SAXO1: variants seen among roughly 807,000 people sequenced by gnomAD.
The protein encoded by SAXO1 is stabilizer of axonemal microtubules 1, also known as 4930500O09Rik.
In SAXO1, 21 loss-of-function variants were observed where a neutral mutation model predicts 17.5. The observed-to-expected ratio is 1.20, with a 90% CI of 0.85 to 1.72. SAXO1 has a LOEUF of 1.72. Among genes scored for constraint, SAXO1 ranks in the 40% most tolerant of loss-of-function variants. The pLI, the probability that SAXO1 is intolerant of heterozygous loss-of-function variation, is 0.00. For synonymous variants in SAXO1, 274 were observed against 216.5 expected, an observed-to-expected ratio of 1.27 and a Z score of -2.33; for missense variants, 843 against 596.0, an observed-to-expected ratio of 1.41 and a Z score of -4.32.
In SAXO1 at chr9:18,967,175, T is replaced by C. The variant is rs1178233902; in HGVS notation, c.39-16238A>G. Among the ~76,000 whole-genome samples, 7 of 152,184 alleles carry C rather than the reference T, an allele frequency of 4.6e-5. 1 individual carries two copies. The highest frequency in any genetic ancestry group is 4.6e-4 in the Admixed American group (7 of 15,278). On this transcript the variant is annotated intron_variant, in intron 1 of 3. Transcript: ENST00000380534. ...AGCTGGAGCTCTCCTGTATGAGGTG[T>C]CTGTCTACCCCTGCTGGGAGGTGTC... is the stretch of plus-strand genomic sequence containing the variant.
At chr9:18,929,990 T>C (rs1459347165) in intron 3 of SAXO1, among the ~76,000 whole-genome samples, 1 of 152,216 alleles carries the variant, frequency 6.6e-6, no homozygotes, top group Non-Finnish European at 1.5e-5. Flanking sequence ...CTCTCCATTC[T>C]ACAGATTTCT....
At chr9:18,996,986 C>A (rs993149159) in intron 1 of SAXO1, among the ~76,000 whole-genome samples, 1 of 152,028 alleles carries the variant, frequency 6.6e-6, no homozygotes, top group Non-Finnish European at 1.5e-5. Flanking sequence ...TCCAAGATGG[C>A]CGAATAGGAA....
At chr9:18,951,100 T>C (rs142183118) in intron 1 of SAXO1, among the ~76,000 whole-genome samples, 163 bp from the exon 2 acceptor site, 1 of 152,334 alleles carries the variant, frequency 6.6e-6, no homozygotes, top group East Asian at 1.9e-4. Flanking sequence ...CTACGTGAAG[T>C]GGCCAGAATA....
intron 1 of SAXO1, among the ~76,000 whole-genome samples, chr9:18,959,883 G>C (rs548806859): frequency 6.6e-6 from 1 of 152,178 alleles, no homozygotes; most frequent in Non-Finnish European, 1.5e-5. Context: ...GCCAAGGAGA[G>C]GCCCTGCTGG....
chr9:18,947,239 TA>T (rs1563935899), intron 2 of SAXO1, among the ~76,000 whole-genome samples: 1 of 152,136 alleles, frequency 6.6e-6, no homozygotes, highest in Non-Finnish European at 1.5e-5. Context: ...AAAATATATA[TA>T]TAAAATTCAA....
intron 1 of SAXO1, among the ~76,000 whole-genome samples, chr9:18,961,369 G>A (rs374530229): frequency 6.6e-6 from 1 of 151,968 alleles, no homozygotes; most frequent in East Asian, 1.9e-4. Flanking sequence ...TTTAAGTTCT[G>A]GGATACATGT....
At chr9:19,045,295 C>T (rs1173084058) in intron 1 of SAXO1, among the ~76,000 whole-genome samples, 1 of 114,484 alleles carries the variant, frequency 8.7e-6, no homozygotes, top group Non-Finnish European at 1.6e-5. Flanking sequence ...CCGGCCTGGG[C>T]GACAGAGCGA....
chr9:18,991,124 G>A (rs1441761550), intron 1 of SAXO1, among the ~76,000 whole-genome samples: 1 of 152,154 alleles, frequency 6.6e-6, no homozygotes, highest in East Asian at 1.9e-4. Context: ...CATGCAAGGT[G>A]GTGCATGCCT....
intron 1 of SAXO1, among the ~76,000 whole-genome samples, chr9:19,019,122 A>G (rs1206572110): frequency 1.3e-5 from 2 of 152,100 alleles, no homozygotes; most frequent in Non-Finnish European, 2.9e-5. Flanking sequence ...AAAAAAAGAA[A>G]AAAAAAAGAA....
intron 1 of SAXO1, among the ~76,000 whole-genome samples, chr9:18,979,319 G>A (rs1218519019): frequency 1.3e-5 from 2 of 152,152 alleles, no homozygotes; most frequent in Admixed American, 6.5e-5. Context: ...CTGAGAAGAA[G>A]GAAATAAAGA....
chr9:18,997,591 A>T (rs1252027597), intron 1 of SAXO1, among the ~76,000 whole-genome samples: 1 of 152,266 alleles, frequency 6.6e-6, no homozygotes, highest in Admixed American at 6.5e-5. Context: ...TCCCTGCCAG[A>T]TAGTTCTGAA....
In SAXO1 at chr9:18,996,988, G is replaced by A. The variant is rs148359076; in HGVS notation, c.38+35883C>T. Among the ~76,000 whole-genome samples the A allele has an allele frequency of 7.2e-3, 1,103 of 152,198 alleles. 15 individuals are homozygous for A. Among genetic ancestry groups the A allele is most frequent in the Non-Finnish European group, 0.012 (817 of 68,012 alleles). On this transcript the variant is annotated intron_variant, in intron 1 of 3. Transcript: ENST00000380534. ...TTTAGGAGGCACTTCCAAGATGGCC[G>A]AATAGGAACAGCTCTGGTCTACAGC...
In SAXO1 at chr9:18,997,287, A is replaced by T. The variant is rs574061883; in HGVS notation, c.38+35584T>A. ...GTCTTCACAACCAGCAGACCAGGAC[A>T]TTCCCTCCTGTGCCTGGCTAGACAG... On this transcript the variant is annotated intron_variant, in intron 1 of 3. Transcript: ENST00000380534. Among the ~76,000 whole-genome samples the T allele has an allele frequency of 2.0e-5, 3 of 152,362 alleles. No individual in the cohort carries two copies. In the East Asian group the frequency reaches 5.8e-4, roughly 29 times the overall value.
At chr9:18,961,600 T>G (rs1397554793) in intron 1 of SAXO1, among the ~76,000 whole-genome samples, 2 of 152,148 alleles carry the variant, frequency 1.3e-5, no homozygotes, top group African/African-American at 4.8e-5. Flanking sequence ...TGCTTTTCTG[T>G]TCCTGTGTTA....
chr9:18,999,730 G>A (rs1354507408), intron 1 of SAXO1, among the ~76,000 whole-genome samples: 2 of 146,914 alleles, frequency 1.4e-5, no homozygotes, highest in East Asian at 2.1e-4. Context: ...CTGCCCAGCT[G>A]TCCCACTGTC....
intron 1 of SAXO1, among the ~76,000 whole-genome samples, chr9:18,968,990 C>A (rs1278859417): frequency 6.6e-6 from 1 of 151,790 alleles, no homozygotes; most frequent in Non-Finnish European, 1.5e-5. Context: ...GATGGATGAA[C>A]CCAGTGTGGC....
intron 1 of SAXO1, among the ~76,000 whole-genome samples, chr9:19,004,524 T>C (rs1406703845): frequency 6.6e-6 from 1 of 152,210 alleles, no homozygotes; most frequent in Admixed American, 6.5e-5. Context: ...CACCATGGAA[T>C]ACTATGCAGC....
At chr9:19,018,729 A>T (rs984471294) in intron 1 of SAXO1, among the ~76,000 whole-genome samples, 3 of 152,220 alleles carry the variant, frequency 2.0e-5, no homozygotes, top group Non-Finnish European at 4.4e-5. Flanking sequence ...GGCACCAGGT[A>T]AAAAGGCAGA....
intron 2 of SAXO1, chr9:18,947,809 T>G (rs1249980357): frequency 6.6e-6 from 1 of 152,212 alleles, no homozygotes; most frequent in African/African-American, 2.4e-5. Flanking sequence ...TCATGGCACC[T>G]GCTGTAAATC....
Sources: gnomAD v4.1 joint callset for allele counts (sites outside exome capture counted in the v4.1 genomes callset) on GRCh38, gnomAD v4.1.1 for gene constraint, MANE v1.5 for transcripts, NCBI Gene and HGNC (gene_info 2026-07-23, HGNC 2026-07-21) for gene names.